The following ATP8B1 variants were observed in gnomAD, a reference collection of about 807,000 sequenced individuals.
ATP8B1 encodes ATPase phospholipid transporting 8B1.
ATP8B1 carries 80 observed loss-of-function variants against 149.9 expected under a neutral mutation model. That is an observed-to-expected ratio of 0.53 (90% CI 0.45 to 0.64). ATP8B1 has a LOEUF of 0.64. Among genes scored for constraint, ATP8B1 ranks in the 30% least tolerant of loss-of-function variants. The pLI, the probability that ATP8B1 is intolerant of heterozygous loss-of-function variation, is 0.00. For synonymous variants in ATP8B1, 536 were observed against 562.8 expected (o/e 0.95, Z 0.67); for missense variants, 1,247 against 1,552.6 (o/e 0.80, Z 3.31).
intron 17 of ATP8B1, among the ~76,000 whole-genome samples, chr18:57,670,240 A>G (rs968597161): frequency 1.3e-5 from 2 of 152,222 alleles, no homozygotes; most frequent in African/African-American, 2.4e-5. Flanking sequence ...AACCAATTCT[A>G]AAATACACAA....
chr18:57,691,318 T>C (rs1912516419), intron 12 of ATP8B1, among the ~76,000 whole-genome samples: 1 of 152,326 alleles, frequency 6.6e-6, no homozygotes. Flanking sequence ...GAGAGGTTGA[T>C]GAAGGACAGG....
In ATP8B1 at chr18:57,651,825, G is replaced by A. The variant is rs187651237; in HGVS notation, c.3400+209C>T. Among the ~76,000 whole-genome samples the A allele has an allele frequency of 2.3e-3, 356 of 151,902 alleles. 1 individual carries two copies. The highest frequency in any genetic ancestry group is 3.7e-3 in the Non-Finnish European group (253 of 67,944). ...TTTTTTGTATTTTTTGTAGAGATGGGGTTTAGCCATGTTGTCCAGGCTGGT... is the reference window on the plus strand; with the variant it reads ...TTTTTTGTATTTTTTGTAGAGATGGAGTTTAGCCATGTTGTCCAGGCTGGT... On this transcript the variant is annotated intron_variant, in intron 26 of 27. Transcript: ENST00000648908.
rs548810763 is a variant in ATP8B1 at position 57,771,482 on chromosome 18, G to C, written c.-26+31516C>G. Among the ~76,000 whole-genome samples the C allele has an allele frequency of 5.9e-5, 9 of 152,250 alleles. No individual in the cohort carries two copies. In the South Asian group the frequency reaches 1.9e-3, roughly 32 times the overall value. ...TTCACTTTCTTTATAATTACGAAAT[G>C]GTCTGAGATAACCAGGTTCCCCTTG... On this transcript the variant is annotated intron_variant, in intron 1 of 27. Transcript: ENST00000648908.
intron 21 of ATP8B1, among the ~76,000 whole-genome samples, chr18:57,661,676 TACACACAC>T (rs368698002): frequency 9.6e-6 from 1 of 104,616 alleles, no homozygotes; most frequent in East Asian, 4.1e-4. Flanking sequence ...TGTATGTATA[TACACACAC>T]ACACACACAC....
At chr18:57,771,449 T>C (rs2080262220) in intron 1 of ATP8B1, among the ~76,000 whole-genome samples, 2 of 152,240 alleles carry the variant, frequency 1.3e-5, no homozygotes, top group South Asian at 4.1e-4. Context: ...TACTTCCTGA[T>C]CCTTCAATTC....
intron 6 of ATP8B1, among the ~76,000 whole-genome samples, chr18:57,700,162 G>A (rs1453548514): frequency 2.0e-5 from 3 of 152,130 alleles, no homozygotes; most frequent in African/African-American, 7.2e-5. Flanking sequence ...GGACTTACAT[G>A]CAAATTTCTA....
In ATP8B1 at chr18:57,652,180, GA is replaced by G. The variant is rs1412982105; in HGVS notation, c.3262-9del. On this transcript the variant is annotated splice_polypyrimidine_tract_variant and intron_variant, in intron 25 of 27. Coordinates refer to ENST00000648908, the MANE Select transcript of ATP8B1 (RefSeq NM_001374385.1). ...AGAAGTATCCAAGCCAATCTGTTGG[GA>G]AACCAGAGAAAAACAGAGCACTCAT... 3.1e-6 allele frequency: 5 copies of G among 1,613,990 alleles called. No individual in the cohort carries two copies. In the Admixed American group the frequency reaches 8.3e-5, roughly 27 times the overall value.
chr18:57,802,689 G>T lies in ATP8B1; in HGVS notation c.-26+309C>A, dbSNP rs1039882805. Reference sequence around the variant, plus strand: ...GGCTTAACCCCCGGACATGTGTGTCGCTACCGATCGAAGAACCCAAACACC... The same window carrying T: ...GGCTTAACCCCCGGACATGTGTGTCTCTACCGATCGAAGAACCCAAACACC... On this transcript the variant is annotated intron_variant, in intron 1 of 27. Transcript: ENST00000648908. This position sits in a 1 kb window ranked among gnomAD's most constrained non-coding sequence, Gnocchi z 4.9. Among the ~76,000 whole-genome samples the T allele has an allele frequency of 6.6e-6, 1 of 152,216 alleles. No individual in the cohort carries two copies. Among genetic ancestry groups the T allele is most frequent in the Non-Finnish European group, 1.5e-5 (1 of 68,036 alleles).
chr18:57,691,019 C>CA (rs1224121813), intron 12 of ATP8B1, among the ~76,000 whole-genome samples: 6 of 151,802 alleles, frequency 4.0e-5, no homozygotes, highest in African/African-American at 1.2e-4. Context: ...ACTAAAAATA[C>CA]AAAAAAGTAG....
Position 57,733,207 on chromosome 18 carries a change from C to T in ATP8B1, c.-25-1375G>A, listed in dbSNP as rs147866743. Among the ~76,000 whole-genome samples the T allele has an allele frequency of 1.4e-4, 22 of 152,248 alleles. No homozygotes were observed. The East Asian group carries it at 4.0e-3, about 28-fold the overall frequency. On this transcript the variant is annotated intron_variant, in intron 1 of 27. Coordinates refer to ENST00000648908, the MANE Select transcript of ATP8B1 (RefSeq NM_001374385.1). Reference sequence around the variant, plus strand: ...GGCATTTACATAAGCATCACAGTGCCGTGTAGTCAGTATTGTTAATGACAG... The same window carrying T: ...GGCATTTACATAAGCATCACAGTGCTGTGTAGTCAGTATTGTTAATGACAG...
chr18:57,760,702 T>G lies in ATP8B1; in HGVS notation c.-25-28870A>C, dbSNP rs539799161. On this transcript the variant is annotated intron_variant, in intron 1 of 27. Coordinates refer to ENST00000648908, the MANE Select transcript of ATP8B1 (RefSeq NM_001374385.1). ...ATACTTTTTATTTTTTTATTTAAGATGGAGTTGGCCGGGCGCAGTGGCTCA... is the reference window on the plus strand; with the variant it reads ...ATACTTTTTATTTTTTTATTTAAGAGGGAGTTGGCCGGGCGCAGTGGCTCA... Among the ~76,000 whole-genome samples the G allele has an allele frequency of 2.0e-5, 3 of 152,268 alleles. No homozygotes were observed. The East Asian group carries it at 5.8e-4, about 29-fold the overall frequency.
chr18:57,725,670 C>A (rs2079699216), intron 2 of ATP8B1, among the ~76,000 whole-genome samples: 1 of 152,140 alleles, frequency 6.6e-6, no homozygotes, highest in Non-Finnish European at 1.5e-5. Context: ...GTGGTATTGG[C>A]ATAAAAACAG....
rs144657876 is a variant in ATP8B1, at chr18:57,770,421, G to A, written c.-26+32577C>T. Reference sequence around the variant, plus strand: ...AAATGCCACTTGCCTTGACAGGCCTGTGTTCTATATGCAATGGCACCACAG... The same window carrying A: ...AAATGCCACTTGCCTTGACAGGCCTATGTTCTATATGCAATGGCACCACAG... On this transcript the variant is annotated intron_variant, in intron 1 of 27. Transcript: ENST00000648908. 9.2e-5 allele frequency among the ~76,000 whole-genome samples: 14 copies of A among 152,354 alleles called. No individual in the cohort carries two copies. The East Asian group carries it at 1.2e-3, about 13-fold the overall frequency.
At chr18:57,763,237 A>G (rs1034113265) in intron 1 of ATP8B1, among the ~76,000 whole-genome samples, 1 of 152,064 alleles carries the variant, frequency 6.6e-6, no homozygotes, top group African/African-American at 2.4e-5. Flanking sequence ...TACTAAAAAT[A>G]CAAAATCAGC....
At position 57,648,852 on chromosome 18, in the gene ATP8B1, T is replaced by TGTGTGTGTG. The variant is rs1909382370; in HGVS notation, c.3532-141_3532-140insCACACACAC. ...TTGATGCAGGCAGTTCTGTCCCCAC[T>TGTGTGTGTG]TGTGTGTGTGTGTGTGTGTGTGTGT... On this transcript the variant is annotated intron_variant, in intron 27 of 27. Transcript: ENST00000648908. 6.7e-4 allele frequency: 375 copies of TGTGTGTGTG among 557,534 alleles called. 33 individuals are homozygous for TGTGTGTGTG. Among genetic ancestry groups the TGTGTGTGTG allele is most frequent in the South Asian group, 1.3e-3 (67 of 49,892 alleles). 34.5% of individuals were successfully genotyped at this position (557,534 alleles called of 1,614,324 possible).
rs557885139 is a variant in ATP8B1 at position 57,713,329 on chromosome 18, C to G, written c.182-6742G>C. On this transcript the variant is annotated intron_variant, in intron 2 of 27. Coordinates refer to ENST00000648908, the MANE Select transcript of ATP8B1 (RefSeq NM_001374385.1). Reference sequence around the variant, plus strand: ...CTTTCTTTTCAGAGATAGAGTCTTGCTATTTTGCCCAGGCTGGAGTGCAAT... The same window carrying G: ...CTTTCTTTTCAGAGATAGAGTCTTGGTATTTTGCCCAGGCTGGAGTGCAAT... Among the ~76,000 whole-genome samples, 3 of 146,306 alleles carry G rather than the reference C, an allele frequency of 2.1e-5. No individual in the cohort carries two copies. The South Asian group carries it at 6.6e-4, about 32-fold the overall frequency.
rs560493262 is a variant in ATP8B1 at position 57,704,819 on chromosome 18, T to A, written c.280-151A>T. ...AGGATTTTGTCTGGGTGCGGTGGCT[T>A]ATGCCTGCAATCCCAGCGCTTTGGG... On this transcript the variant is annotated intron_variant, in intron 3 of 27. Transcript: ENST00000648908. 1.5e-3 allele frequency: 966 copies of A among 656,768 alleles called. 1 individual carries two copies. The highest frequency in any genetic ancestry group is 2.3e-3 in the Non-Finnish European group (849 of 365,146). 40.7% of individuals were successfully genotyped at this position (656,768 alleles called of 1,614,324 possible).
chr18:57,650,218 T>C (rs1338895301), intron 27 of ATP8B1, 149 bp downstream of exon 27: 9 of 1,022,494 alleles, frequency 8.8e-6, no homozygotes, highest in Non-Finnish European at 1.3e-5. Context: ...AAAAGACTTA[T>C]TTGTGAGATA....
chr18:57,786,427 C>A (rs2080410521), intron 1 of ATP8B1, among the ~76,000 whole-genome samples: 1 of 152,170 alleles, frequency 6.6e-6, no homozygotes, highest in Non-Finnish European at 1.5e-5. Context: ...TATTAGGACA[C>A]TGATTGCTGG....
Sources: gnomAD v4.1 joint callset for allele counts (sites outside exome capture counted in the v4.1 genomes callset) on GRCh38, gnomAD v4.1.1 for gene constraint, Gnocchi (gnomAD v3.1) non-coding constraint, MANE v1.5 for transcripts, NCBI Gene and HGNC (gene_info 2026-07-23, HGNC 2026-07-21) for gene names.